Variants in PROSER1 observed in about 807,000 individuals in gnomAD.
PROSER1 encodes proline and serine-rich protein 1.
PROSER1 carries 36 observed loss-of-function variants against 71.8 expected under a neutral mutation model. That is an observed-to-expected ratio of 0.50 (90% CI 0.38 to 0.66). PROSER1 has a LOEUF of 0.66. PROSER1 is among the 30% of genes least tolerant of loss of function. The pLI, the probability that PROSER1 is intolerant of heterozygous loss-of-function variation, is 0.00. For missense variants in PROSER1, 1,107 were observed against 1,135.0 expected, an observed-to-expected ratio of 0.98 and a Z score of 0.35; for synonymous variants, 490 against 452.4, an observed-to-expected ratio of 1.08 and a Z score of -1.06.
At chr13:39,029,953 T>C (rs904889648) in intron 3 of PROSER1, among the ~76,000 whole-genome samples, 4 of 152,232 alleles carry the variant, frequency 2.6e-5, no homozygotes, top group African/African-American at 7.2e-5. Flanking sequence ...CATAATTATT[T>C]GACTAGAGTA....
At chr13:39,021,312 C>T (rs1029743622) in intron 9 of PROSER1, among the ~76,000 whole-genome samples, 1 of 152,190 alleles carries the variant, frequency 6.6e-6, no homozygotes, top group Non-Finnish European at 1.5e-5. Flanking sequence ...TCTGACAGTT[C>T]CTTTGCTGAG....
intron 1 of PROSER1, among the ~76,000 whole-genome samples, chr13:39,034,745 G>C (rs1189009641): frequency 6.6e-6 from 1 of 152,242 alleles, no homozygotes; most frequent in Non-Finnish European, 1.5e-5. Flanking sequence ...TGTAGACTTT[G>C]AGAGGCATTT....
In PROSER1 at chr13:39,014,160, G is replaced by A; in HGVS notation, c.1092C>T (p.Gly364=). Residue 364 remains glycine, a synonymous_variant, in exon 11 of 13, where the codon GGC becomes GGT. Coordinates refer to ENST00000352251, the MANE Select transcript of PROSER1 (RefSeq NM_025138.5). ...TTTPVPSIFS[G]LVSLPGPSAT... ...CAGAAGGACCTGGCAGTGACACTAGGCCAGAAAAAATGGAAGGAACAGGAG... is the reference window on the plus strand; with the variant it reads ...CAGAAGGACCTGGCAGTGACACTAGACCAGAAAAAATGGAAGGAACAGGAG... 7 of 1,614,160 alleles carry A rather than the reference G, an allele frequency of 4.3e-6. No individual in the cohort carries two copies. Among genetic ancestry groups the A allele is most frequent in the Non-Finnish European group, 5.9e-6 (7 of 1,180,026 alleles).
Position 39,037,391 on chromosome 13 carries a change from T to C in PROSER1, c.-149A>G, listed in dbSNP as rs371995912. ...AGAGAGGATGCGAAGAGGTAGAGAG[T>C]ATTGCAAACTTCGCAAAAAAAATTT... On this transcript the variant is annotated 5_prime_UTR_variant, in exon 1 of 13. It adds an upstream start codon to the 5' untranslated region. Coordinates refer to ENST00000352251, the MANE Select transcript of PROSER1 (RefSeq NM_025138.5). The C allele has an allele frequency of 3.2e-6, 2 of 625,256 alleles. No individual in the cohort carries two copies. Among genetic ancestry groups the C allele is most frequent in the Non-Finnish European group, 5.7e-6 (2 of 348,350 alleles). 38.7% of individuals were successfully genotyped at this position (625,256 alleles called of 1,614,324 possible).
intron 2 of PROSER1, among the ~76,000 whole-genome samples, chr13:39,032,687 T>C (rs1158247295): frequency 1.3e-5 from 2 of 152,166 alleles, no homozygotes; most frequent in Admixed American, 6.5e-5. Context: ...ATGGGAATAA[T>C]GTTCTTAATA....
rs2138120052 is a variant in PROSER1 at position 39,024,521 on chromosome 13, A to G, written c.516T>C (p.Thr172=). The change falls in exon 7 of 13, where the codon ACT becomes ACC. Residue 172 remains threonine, a synonymous_variant. Transcript: ENST00000352251. The part of the protein sequence containing the change: ...TPLKKDGEEC[T]NEGKGIAARI... ...GTGCAGCTATTCCTTTGCCTTCGTT[A>G]GTACATTCTTCACCATCTTTTTTCA... The G allele has an allele frequency of 1.2e-6, 2 of 1,604,346 alleles. No homozygotes were observed. Among genetic ancestry groups the G allele is most frequent in the East Asian group, 2.2e-5 (1 of 44,524 alleles).
chr13:39,034,401 G>A (rs530352887), intron 1 of PROSER1, among the ~76,000 whole-genome samples: 1 of 152,302 alleles, frequency 6.6e-6, no homozygotes, highest in African/African-American at 2.4e-5. Flanking sequence ...GACACACTGA[G>A]CAAGCAGGAA....
intron 12 of PROSER1, 57 bp downstream of exon 12, chr13:39,012,026 C>T: frequency 6.5e-7 from 1 of 1,546,826 alleles, no homozygotes. Flanking sequence ...AATGTTATCA[C>T]TACAGAAGTT....
At chr13:39,021,114 C>T (rs1870268277) in intron 9 of PROSER1, among the ~76,000 whole-genome samples, 2 of 152,272 alleles carry the variant, frequency 1.3e-5, no homozygotes, top group Admixed American at 6.5e-5. Context: ...GCCAACTGGC[C>T]GTGGAACTTA....
At position 39,012,139 on chromosome 13, in the gene PROSER1, A is replaced by G. The variant is rs771878216; in HGVS notation, c.2656T>C (p.Ser886Pro). 1 of 1,614,230 alleles carries G rather than the reference A, an allele frequency of 6.2e-7. No individual in the cohort carries two copies. Among genetic ancestry groups the G allele is most frequent in the Non-Finnish European group, 8.5e-7 (1 of 1,180,030 alleles). Reference protein sequence around the residue: ...IPGFPQNPSQSSLQELQHNAA... With the variant: ...IPGFPQNPSQPSLQELQHNAA... The stretch of plus-strand genomic sequence containing the variant: ...TTATGCTGTAATTCTTGCAAGGATG[A>G]TTGTGAAGGATTCTGAGGAAACCCA... Residue 886 changes from serine to proline, a missense_variant, in exon 12 of 13, where the codon TCA becomes CCA. Coordinates refer to ENST00000352251, the MANE Select transcript of PROSER1 (RefSeq NM_025138.5).
At chr13:39,021,572 A>C (rs1188832713) in intron 9 of PROSER1, among the ~76,000 whole-genome samples, 1 of 152,160 alleles carries the variant, frequency 6.6e-6, no homozygotes, top group African/African-American at 2.4e-5. Flanking sequence ...TAGAATCTCT[A>C]CAAGTGGGGA....
intron 12 of PROSER1, 93 bp downstream of exon 12, chr13:39,011,990 T>C: frequency 1.5e-6 from 2 of 1,311,258 alleles, no homozygotes; most frequent in Non-Finnish European, 2.1e-6. Flanking sequence ...TTTTTGCCAA[T>C]GTTGGGATAT....
rs1486531111 is a variant in PROSER1, at chr13:39,010,833, G to A, written c.*532C>T. The A allele has an allele frequency of 6.5e-6, 1 of 153,158 alleles. No homozygotes were observed. The highest frequency in any genetic ancestry group is 2.4e-5 in the African/African-American group (1 of 41,442). 9.5% of individuals were successfully genotyped at this position (153,158 alleles called of 1,614,324 possible). A position where few individuals can be genotyped will look rare whatever the true frequency, so the allele number is the denominator to read the frequency against. ...GTTAAATTCAGCAGTATGTACGGTT[G>A]TTAATATCAGAAATTAAGAATAACT... On this transcript the variant is annotated 3_prime_UTR_variant, in exon 13 of 13. Transcript: ENST00000352251.
At chr13:39,034,056 T>A in intron 2 of PROSER1, 75 bp downstream of exon 2, 1 of 1,054,084 alleles carries the variant, frequency 9.5e-7, no homozygotes, top group Non-Finnish European at 1.3e-6. Context: ...AATTCTGAAT[T>A]CGGCCAGCAG....
chr13:39,026,281 A>T lies in PROSER1; in HGVS notation c.476T>A (p.Phe159Tyr). ...KGRPSRINGI[F>Y]PGTPLKKDGE... ...CAGCTACAGAAGTATGCTTACTGGG[A>T]AAATTCCATTTATGCGGCTAGGTCT... Residue 159 changes from phenylalanine (F) to tyrosine (Y), a missense_variant, in exon 6 of 13, where the codon TTC becomes TAC. Coordinates refer to ENST00000352251, the MANE Select transcript of PROSER1 (RefSeq NM_025138.5). 1 of 1,602,896 alleles carries T rather than the reference A, an allele frequency of 6.2e-7. No individual in the cohort carries two copies. Among genetic ancestry groups the T allele is most frequent in the Non-Finnish European group, 8.5e-7 (1 of 1,170,820 alleles).
Position 39,014,095 on chromosome 13 carries a change from G to GT in PROSER1, c.1156_1157insA (p.Pro386HisfsTer9), listed in dbSNP as rs1473643809. The GT allele has an allele frequency of 6.2e-7, 1 of 1,614,108 alleles. No individual in the cohort carries two copies. Among genetic ancestry groups the GT allele is most frequent in the African/African-American group, 1.3e-5 (1 of 74,928 alleles). ...TTCACTGGAACCAAGAGTGGACCGT[G>GT]GTGTAGGTCCTGGGGTAGGAGTGGC... On this transcript the variant is annotated frameshift_variant, in exon 11 of 13. Coordinates refer to ENST00000352251, the MANE Select transcript of PROSER1 (RefSeq NM_025138.5). LOFTEE classifies it high-confidence loss of function.
At chr13:39,020,633 CACAA>C (rs1156487176) in intron 9 of PROSER1, among the ~76,000 whole-genome samples, 1 of 151,986 alleles carries the variant, frequency 6.6e-6, no homozygotes, top group African/African-American at 2.4e-5. Flanking sequence ...TGTTAAAAAA[CACAA>C]ACAAAAATGT....
rs1215830575 is a variant in PROSER1 at position 39,038,028 on chromosome 13, A to G, written c.-786T>C. On this transcript the variant is annotated 5_prime_UTR_variant, in exon 1 of 13. Coordinates refer to ENST00000352251, the MANE Select transcript of PROSER1 (RefSeq NM_025138.5). ...CCCCACCAGCTCATGGGGACCTACAATAAAGCCAGTCGCGCCCAAGTAAAC... is the reference window on the plus strand; with the variant it reads ...CCCCACCAGCTCATGGGGACCTACAGTAAAGCCAGTCGCGCCCAAGTAAAC... 1 of 152,964 alleles carries G rather than the reference A, an allele frequency of 6.5e-6. No individual in the cohort carries two copies. The highest frequency in any genetic ancestry group is 1.5e-5 in the Non-Finnish European group (1 of 68,668). 9.5% of individuals were successfully genotyped at this position (152,964 alleles called of 1,614,324 possible). A position where few individuals can be genotyped will look rare whatever the true frequency, so the allele number is the denominator to read the frequency against.
chr13:39,012,696 T>C lies in PROSER1; in HGVS notation c.2556A>G (p.Gln852=). 1.3e-6 allele frequency: 2 copies of C among 1,570,198 alleles called. No individual in the cohort carries two copies. The change falls in exon 11 of 13, where the codon CAA becomes CAG. Residue 852 remains glutamine, a synonymous_variant. Transcript: ENST00000352251. ...TTTCCAAACTATCCACATACCCGGC[T>C]TGTGCAACAAGAGCGGAGTTGAAAT... ...SSNFNSALVA[Q]AGLSSGLQAA...
Sources: gnomAD v4.1 joint callset for allele counts (sites outside exome capture counted in the v4.1 genomes callset) on GRCh38, gnomAD v4.1.1 for gene constraint, MANE v1.5 for transcripts, NCBI Gene and HGNC (gene_info 2026-07-23, HGNC 2026-07-21) for gene names.